Variants in SMAD2 observed in about 807,000 individuals in gnomAD.
The protein encoded by SMAD2 is MAD homolog 2.
SMAD2 carries 8 observed loss-of-function variants against 64.4 expected under a neutral mutation model. That is an observed-to-expected ratio of 0.12 (90% CI 0.07 to 0.22). The LOEUF (loss-of-function observed/expected upper bound fraction) is 0.22, where lower values mean the gene tolerates loss of function less well. Among genes scored for constraint, SMAD2 ranks in the 10% least tolerant of loss-of-function variants. The probability of loss-of-function intolerance (pLI) is 1.00; values close to 1 mark genes in which losing one functional copy is unlikely to be tolerated. For synonymous variants in SMAD2, 203 were observed against 195.8 expected (o/e 1.04, Z -0.31); for missense variants, 289 against 561.2 (o/e 0.51, Z 4.90).
At chr18:47,920,652 A>AT (rs1233187905) in intron 1 of SMAD2, among the ~76,000 whole-genome samples, 1 of 152,260 alleles carries the variant, frequency 6.6e-6, no homozygotes, top group Non-Finnish European at 1.5e-5. Flanking sequence ...CTTGACTTTT[A>AT]TACCATGTGC....
At chr18:47,930,857 G>A (rs1271649378), upstream of SMAD2, 3 of 149,382 alleles carry the variant, frequency 2.0e-5, no homozygotes, top group African/African-American at 7.3e-5. Flanking sequence ...CCGCGGCCGC[G>A]CGGGTAGACC....
At chr18:47,929,418 G>A (rs904483308) in intron 1 of SMAD2, among the ~76,000 whole-genome samples, 2 of 152,160 alleles carry the variant, frequency 1.3e-5, no homozygotes, top group Non-Finnish European at 2.9e-5. Flanking sequence ...ACATTTCAAA[G>A]ACCATTTCTA....
At chr18:47,929,032 C>T (rs1454203842) in intron 1 of SMAD2, among the ~76,000 whole-genome samples, 1 of 152,158 alleles carries the variant, frequency 6.6e-6, no homozygotes, top group Non-Finnish European at 1.5e-5. Flanking sequence ...TAAACGTTTG[C>T]TAAATGACCT....
chr18:47,903,859 A>G (rs1321821378), intron 1 of SMAD2, among the ~76,000 whole-genome samples: 1 of 117,868 alleles, frequency 8.5e-6, no homozygotes, highest in African/African-American at 3.2e-5. Context: ...TGAAACACAA[A>G]GAGGGAAAAA....
chr18:47,902,629 A>G (rs2033731288), intron 1 of SMAD2, among the ~76,000 whole-genome samples: 1 of 152,232 alleles, frequency 6.6e-6, no homozygotes. Context: ...ATATACTTAA[A>G]AAGTATTCCA....
rs1341514319 is a variant in SMAD2 at position 47,822,255 on chromosome 18, T to G, written c.*19572A>C. On this transcript the variant is annotated 3_prime_UTR_variant, in exon 11 of 11. Transcript: ENST00000262160. ...TGGTTATGGTAAACTCTCATCAGAT[T>G]TTTAATCATGGTTATTCTAAGTTTT... 2 of 152,250 alleles carry G rather than the reference T, an allele frequency of 1.3e-5. No homozygotes were observed. Among genetic ancestry groups the G allele is most frequent in the African/African-American group, 2.4e-5 (1 of 41,472 alleles). The allele number at this position is 152,250 out of a possible 1,614,324, so 9.4% of individuals were successfully genotyped here.
chr18:47,929,887 A>C (rs1395308451), intron 1 of SMAD2, among the ~76,000 whole-genome samples: 1 of 152,132 alleles, frequency 6.6e-6, no homozygotes, highest in Non-Finnish European at 1.5e-5. Context: ...TTCACAAGTG[A>C]GTGAAGGATG....
rs1452785657 is a variant in SMAD2 at position 47,850,427 on chromosome 18, T to A, written c.784+847A>T. Among the ~76,000 whole-genome samples the A allele has an allele frequency of 3.2e-3, 69 of 21,482 alleles. 11 individuals carry two copies. Among genetic ancestry groups the A allele is most frequent in the Non-Finnish European group, 4.1e-3 (56 of 13,798 alleles). 14.1% of individuals were successfully genotyped at this position (21,482 alleles called of 152,430 possible). A position where few individuals can be genotyped will look rare whatever the true frequency, so the allele number is the denominator to read the frequency against. ...ATTATGTATAATATATATAATATAT[T>A]ATATATATTATGTATAATATATATT... On this transcript the variant is annotated intron_variant, in intron 7 of 10. Coordinates refer to ENST00000262160, the MANE Select transcript of SMAD2 (RefSeq NM_005901.6).
chr18:47,910,698 G>A (rs977295843), intron 1 of SMAD2, among the ~76,000 whole-genome samples: 1 of 152,110 alleles, frequency 6.6e-6, no homozygotes, highest in Admixed American at 6.5e-5. Context: ...TTAGTGAATA[G>A]TATATGTATT....
At chr18:47,887,500 T>C (rs1287451926) in intron 2 of SMAD2, among the ~76,000 whole-genome samples, 22 of 152,328 alleles carry the variant, frequency 1.4e-4, no homozygotes, top group Middle Eastern at 6.8e-3. Context: ...AGTTAGTTCC[T>C]GATGCAGGAA....
chr18:47,848,904 T>C (rs1914801811), intron 7 of SMAD2, among the ~76,000 whole-genome samples: 1 of 152,138 alleles, frequency 6.6e-6, no homozygotes, highest in South Asian at 2.1e-4. Flanking sequence ...TCATACCAGA[T>C]TTTTTCAAAT....
At chr18:47,842,213 A>T (rs1460323369) in intron 10 of SMAD2, among the ~76,000 whole-genome samples, 1 of 152,132 alleles carries the variant, frequency 6.6e-6, no homozygotes, top group Non-Finnish European at 1.5e-5. Flanking sequence ...CATCATCCAA[A>T]ATGGAACACC....
chr18:47,821,046 C>T lies in SMAD2; in HGVS notation c.*20781G>A, dbSNP rs1475936917. On this transcript the variant is annotated 3_prime_UTR_variant, in exon 11 of 11. Transcript: ENST00000262160. ...ATTCTAAAATCAGCCATCTTCTAAA[C>T]CACAGTTTAAATTTCTGCCATATTT... 1.3e-5 allele frequency: 2 copies of T among 151,988 alleles called. No homozygotes were observed. The highest frequency in any genetic ancestry group is 2.9e-5 in the Non-Finnish European group (2 of 67,972). The allele number at this position is 151,988 out of a possible 1,614,324, so 9.4% of individuals were successfully genotyped here.
intron 8 of SMAD2, 109 bp from the exon 9 acceptor site, chr18:47,845,909 T>C: frequency 1.1e-6 from 1 of 945,680 alleles, no homozygotes; most frequent in East Asian, 2.5e-5. Context: ...ATTTCCAGGA[T>C]CTTTTTCACA....
At chr18:47,850,248 A>ATTATATATATTATGTATAATATATAT (rs1348851597) in intron 7 of SMAD2, among the ~76,000 whole-genome samples, 2 of 75,524 alleles carry the variant, frequency 2.6e-5, no homozygotes, top group Non-Finnish European at 4.6e-5. Context: ...ATTATATATT[A>ATTATATATATTATGTATAATATATAT]TATATATTAT....
intron 8 of SMAD2, among the ~76,000 whole-genome samples, chr18:47,846,143 A>C (rs1477209568): frequency 1.3e-5 from 2 of 152,192 alleles, no homozygotes; most frequent in Non-Finnish European, 2.9e-5. Context: ...TGTTTGGAGA[A>C]ATATATCTTC....
chr18:47,898,104 A>G (rs569408738), intron 1 of SMAD2, among the ~76,000 whole-genome samples: 1 of 152,330 alleles, frequency 6.6e-6, no homozygotes. Context: ...AGGAAGTACA[A>G]GTTAAAATAA....
rs1052968306 is a variant in SMAD2, at chr18:47,812,393, G to A, written c.*29434C>T. 6.6e-6 allele frequency: 1 copy of A among 152,138 alleles called. No individual in the cohort carries two copies. The highest frequency in any genetic ancestry group is 2.4e-5 in the African/African-American group (1 of 41,508). The allele number at this position is 152,138 out of a possible 1,614,324, so 9.4% of individuals were successfully genotyped here. On this transcript the variant is annotated 3_prime_UTR_variant, in exon 11 of 11. Coordinates refer to ENST00000262160, the MANE Select transcript of SMAD2 (RefSeq NM_005901.6). ...CTCTTTTATAAATTACCCAGTCTCC[G>A]GTATCTCTTTATTAGCCGCGTGAGA...
intron 2 of SMAD2, chr18:47,878,503 GC>G (rs2032396759): frequency 6.6e-6 from 1 of 152,166 alleles, no homozygotes; most frequent in Non-Finnish European, 1.5e-5. Context: ...GGTGGCATGT[GC>G]CTGCAGTCCC....
Sources: gnomAD v4.1 joint callset for allele counts (sites outside exome capture counted in the v4.1 genomes callset) on GRCh38, gnomAD v4.1.1 for gene constraint, MANE v1.5 for transcripts, NCBI Gene and HGNC (gene_info 2026-07-23, HGNC 2026-07-21) for gene names.